ASB16: variants seen among roughly 807,000 people sequenced by gnomAD.
ASB16 encodes ankyrin repeat and SOCS box containing 16, also known as ankyrin repeat and SOCS box protein 16.
In ASB16, 44 loss-of-function variants were observed where a neutral mutation model predicts 39.1. The ratio of observed to expected loss-of-function variants is 1.13; its 90% CI spans 0.88 to 1.45. The LOEUF (loss-of-function observed/expected upper bound fraction) is 1.45, where lower values mean the gene tolerates loss of function less well. Ranked by LOEUF, ASB16 falls within the 40% of genes most tolerant of loss-of-function variation. ASB16 has a pLI of 0.00. For missense variants in ASB16, 698 were observed against 634.5 expected, an observed-to-expected ratio of 1.10 and a Z score of -1.07; for synonymous variants, 305 against 286.7, an observed-to-expected ratio of 1.06 and a Z score of -0.64.
Position 44,178,411 on chromosome 17 carries a change from A to G in ASB16, c.*21A>G. ...AGTGAACCCCATGTCAGGCTGTCCCATGGTGTGTTCTGCCCCTCCCACCTG... is the reference window on the plus strand; with the variant it reads ...AGTGAACCCCATGTCAGGCTGTCCCGTGGTGTGTTCTGCCCCTCCCACCTG... On this transcript the variant is annotated 3_prime_UTR_variant, in exon 5 of 5. Coordinates refer to ENST00000293414, the MANE Select transcript of ASB16 (RefSeq NM_080863.5). 6.4e-7 allele frequency: 1 copy of G among 1,560,872 alleles called. No homozygotes were observed. Among genetic ancestry groups the G allele is most frequent in the East Asian group, 2.3e-5 (1 of 42,862 alleles).
rs545910969 is a variant in ASB16, at chr17:44,175,432, A to G, written c.570-1306A>G. 8.9e-5 allele frequency among the ~76,000 whole-genome samples: 13 copies of G among 145,682 alleles called. No individual in the cohort carries two copies. In the South Asian group the frequency reaches 2.9e-3, roughly 32 times the overall value. On this transcript the variant is annotated intron_variant, in intron 2 of 4. Transcript: ENST00000293414. Reference sequence around the variant, plus strand: ...AAAAAAAAAAAAAAAAAAAAAAATTAGTATTTGGAAACAAAAATTAGCCCC... The same window carrying G: ...AAAAAAAAAAAAAAAAAAAAAAATTGGTATTTGGAAACAAAAATTAGCCCC...
rs1221163989 is a variant in ASB16, at chr17:44,171,015, C to A, written c.226C>A (p.Leu76Met). The A allele has an allele frequency of 6.2e-7, 1 of 1,613,964 alleles. No individual in the cohort carries two copies. Among genetic ancestry groups the A allele is most frequent in the Non-Finnish European group, 8.5e-7 (1 of 1,180,024 alleles). The stretch of plus-strand genomic sequence containing the variant: ...CGGCAACCTGCAGCAGGTCCAAGCC[C>A]TGTTCCAAGATGAAGAGGCCGCCAA... Reference protein sequence around the residue: ...FSGNLQQVQALFQDEEAANMI... With the variant: ...FSGNLQQVQAMFQDEEAANMI... Residue 76 changes from leucine (L) to methionine (M), a missense_variant, in exon 1 of 5, where the codon CTG (leucine) becomes ATG (methionine). Coordinates refer to ENST00000293414, the MANE Select transcript of ASB16 (RefSeq NM_080863.5).
chr17:44,177,090 G>A lies in ASB16; in HGVS notation c.922G>A (p.Ala308Thr). 6.8e-7 allele frequency: 1 copy of A among 1,478,710 alleles called. No individual in the cohort carries two copies. Among genetic ancestry groups the A allele is most frequent in the Non-Finnish European group, 8.9e-7 (1 of 1,125,292 alleles). 91.6% of individuals were successfully genotyped at this position (1,478,710 alleles called of 1,614,324 possible). The change falls in exon 3 of 5, where the codon GCC becomes ACC. Residue 308 changes from alanine (A) to threonine (T), a missense_variant. Transcript: ENST00000293414. ...GGCCGAGCTGCTGCTGCGTTACGGG[G>A]CCCGCGCTGAGGTCCCCAATGGGGC... ...GLAELLLRYG[A>T]RAEVPNGAGH...
chr17:44,171,494 C>T (rs1180811431), intron 1 of ASB16, among the ~76,000 whole-genome samples: 22 of 143,746 alleles, frequency 1.5e-4, no homozygotes, highest in Middle Eastern at 3.6e-3. Flanking sequence ...ACCCGGGAGG[C>T]GGAGCTTGCA....
At chr17:44,177,895 A>T (rs1262749921) in intron 4 of ASB16, 173 bp downstream of exon 4, 2 of 834,482 alleles carry the variant, frequency 2.4e-6, no homozygotes, top group Non-Finnish European at 1.9e-6. Flanking sequence ...CTGACCCCTA[A>T]CTCCACACAC....
chr17:44,177,166 A>C lies in ASB16; in HGVS notation c.998A>C (p.Asn333Thr), dbSNP rs78628103. ...CALQAVQDSP[N>T]WEPEVLFAAL... ...CTGCAGGCCGTCCAGGACTCCCCCA[A>C]CTGGGAGCCTGAAGTCCTTTTCGCC... The change falls in exon 3 of 5, where the codon AAC (asparagine) becomes ACC (threonine). Residue 333 changes from asparagine to threonine, a missense_variant. Transcript: ENST00000293414. 4 of 1,531,086 alleles carry C rather than the reference A, an allele frequency of 2.6e-6. No individual in the cohort carries two copies. Among genetic ancestry groups the C allele is most frequent in the African/African-American group, 1.4e-5 (1 of 72,596 alleles). 94.8% of individuals were successfully genotyped at this position (1,531,086 alleles called of 1,614,324 possible).
chr17:44,175,287 A>G (rs1000305703), intron 2 of ASB16, among the ~76,000 whole-genome samples: 3 of 150,828 alleles, frequency 2.0e-5, no homozygotes, highest in African/African-American at 7.3e-5. Flanking sequence ...CTGTAGTCCC[A>G]GCTACTTGGG....
At position 44,177,699 on chromosome 17, in the gene ASB16, G is replaced by A. The variant is rs959277945; in HGVS notation, c.1153G>A (p.Ala385Thr). 1.9e-6 allele frequency: 3 copies of A among 1,613,882 alleles called. No individual in the cohort carries two copies. The highest frequency in any genetic ancestry group is 1.7e-6 in the Non-Finnish European group (2 of 1,179,846). The change falls in exon 4 of 5, where the codon GCG (alanine) becomes ACG (threonine). Residue 385 changes from alanine (A) to threonine (T), a missense_variant. Ala to Thr is a moderately conservative substitution (Grantham distance 58). Transcript: ENST00000293414. ...CVPSCETWVE[A>T]VLPELWKEHE... is the part of the protein sequence containing the mutation. Reference sequence around the variant, plus strand: ...CCCATCCTGTGAGACCTGGGTGGAGGCGGTGCTCCCAGAGCTGTGGAAGGT... The same window carrying A: ...CCCATCCTGTGAGACCTGGGTGGAGACGGTGCTCCCAGAGCTGTGGAAGGT...
chr17:44,178,293 G>T lies in ASB16; in HGVS notation c.1265G>T (p.Arg422Leu), dbSNP rs199556388. 2 of 1,612,886 alleles carry T rather than the reference G, an allele frequency of 1.2e-6. No homozygotes were observed. The highest frequency in any genetic ancestry group is 2.2e-5 in the East Asian group (1 of 44,860). Residue 422 changes from arginine to leucine, a missense_variant, in exon 5 of 5, where the codon CGG becomes CTG. Arg to Leu is a moderately radical substitution (Grantham distance 102). Transcript: ENST00000293414. ...QHLARLAVRA[R>L]LGSRCRQGAT... ...CTGGCCCGACTAGCTGTGCGCGCTC[G>T]GTTGGGAAGCCGCTGCCGGCAGGGT...
In ASB16 at chr17:44,170,813, C is replaced by T. The variant is rs761508752; in HGVS notation, c.24C>T (p.Phe8=). MARETFP[F]TSSMLRSLRL... ...CCATGGCAAGAGAGACCTTCCCCTT[C>T]ACCTCCTCCATGCTGCGCTCTCTCC... Residue 8 remains phenylalanine, a synonymous_variant, in exon 1 of 5, where the codon TTC becomes TTT. Transcript: ENST00000293414. 1.2e-6 allele frequency: 2 copies of T among 1,605,864 alleles called. No individual in the cohort carries two copies. The highest frequency in any genetic ancestry group is 2.2e-5 in the South Asian group (2 of 90,476).
chr17:44,170,962 A>C lies in ASB16; in HGVS notation c.173A>C (p.Asp58Ala). Reference sequence around the variant, plus strand: ...ACTAGGCCTCACCGTTCCTGCCGAGACCCAGCTGTCCACCAAGCCCTCTTC... The same window carrying C: ...ACTAGGCCTCACCGTTCCTGCCGAGCCCCAGCTGTCCACCAAGCCCTCTTC... Reference protein sequence around the residue: ...RLTRPHRSCRDPAVHQALFSG... With the variant: ...RLTRPHRSCRAPAVHQALFSG... Residue 58 changes from aspartate (D) to alanine (A), a missense_variant, in exon 1 of 5, where the codon GAC becomes GCC. By Grantham distance (126) the Asp-to-Ala change is moderately radical. Transcript: ENST00000293414. 1 of 1,613,846 alleles carries C rather than the reference A, an allele frequency of 6.2e-7. No homozygotes were observed. Among genetic ancestry groups the C allele is most frequent in the Non-Finnish European group, 8.5e-7 (1 of 1,180,010 alleles).
At chr17:44,173,727 T>C (rs7216294) in intron 2 of ASB16, among the ~76,000 whole-genome samples, 65,124 of 151,822 alleles carry the variant, frequency 0.43, 15,797 homozygotes, top group East Asian at 0.78. Flanking sequence ...AGGAAAAGCA[T>C]TTGAGCCCAA....
At position 44,176,833 on chromosome 17, in the gene ASB16, T is replaced by A. The variant is rs915045693; in HGVS notation, c.665T>A (p.Leu222Gln). 2 of 1,612,090 alleles carry A rather than the reference T, an allele frequency of 1.2e-6. No homozygotes were observed. Among genetic ancestry groups the A allele is most frequent in the Admixed American group, 1.7e-5 (1 of 59,966 alleles). Residue 222 changes from leucine to glutamine, a missense_variant, in exon 3 of 5, where the codon CTG becomes CAG. Leu to Gln is a moderately radical substitution (Grantham distance 113, BLOSUM62 -2). Transcript: ENST00000293414. ...CTGCACGTGGCGGCGGCGCGCGGCC[T>A]GGAGCAACATGTGGCTCTGTACCTG... ...TPLHVAAARG[L>Q]EQHVALYLEH...
rs140204503 is a variant in ASB16, at chr17:44,172,282, T to G, written c.538T>G (p.Leu180Val). Reference protein sequence around the residue: ...NVLTEEGTTPLHLCTIPESLQ... With the variant: ...NVLTEEGTTPVHLCTIPESLQ... Reference sequence around the variant, plus strand: ...GCTGACTGAGGAGGGCACGACTCCTTTGCACCTCTGCACGATCCCCGAGTC... The same window carrying G: ...GCTGACTGAGGAGGGCACGACTCCTGTGCACCTCTGCACGATCCCCGAGTC... The change falls in exon 2 of 5, where the codon TTG becomes GTG. Residue 180 changes from leucine (L) to valine (V), a missense_variant. Coordinates refer to ENST00000293414, the MANE Select transcript of ASB16 (RefSeq NM_080863.5). 1 of 1,613,474 alleles carries G rather than the reference T, an allele frequency of 6.2e-7. No homozygotes were observed. The highest frequency in any genetic ancestry group is 1.7e-5 in the Admixed American group (1 of 60,010).
In ASB16 at chr17:44,176,737, G is replaced by A; in HGVS notation, c.570-1G>A. 1 of 1,613,958 alleles carries A rather than the reference G, an allele frequency of 6.2e-7. No homozygotes were observed. The highest frequency in any genetic ancestry group is 1.3e-5 in the African/African-American group (1 of 74,976). On this transcript the variant is annotated splice_acceptor_variant, in intron 2 of 4. Coordinates refer to ENST00000293414, the MANE Select transcript of ASB16 (RefSeq NM_080863.5). LOFTEE classifies it high-confidence loss of function. ...TCAGGACCTTGCTCTCTTGTCCCCA[G>A]GTGCGCCAAGTTGCTGCTGGAAGCA...
chr17:44,177,299 C>T, intron 3 of ASB16, 69 bp downstream of exon 3: 2 of 1,457,578 alleles, frequency 1.4e-6, no homozygotes, highest in Non-Finnish European at 1.8e-6. Flanking sequence ...TGCTCCGCTT[C>T]TGGGGAAGAC....
At position 44,170,971 on chromosome 17, in the gene ASB16, T is replaced by A. The variant is rs1027621389; in HGVS notation, c.182T>A (p.Val61Asp). ...CACCGTTCCTGCCGAGACCCAGCTG[T>A]CCACCAAGCCCTCTTCTCCGGCAAC... ...RPHRSCRDPA[V>D]HQALFSGNLQ... The change falls in exon 1 of 5, where the codon GTC becomes GAC. Residue 61 changes from valine (V) to aspartate (D), a missense_variant. Physicochemically the swap from Val to Asp is radical, Grantham distance 152. Coordinates refer to ENST00000293414, the MANE Select transcript of ASB16 (RefSeq NM_080863.5). 1 of 1,613,878 alleles carries A rather than the reference T, an allele frequency of 6.2e-7. No homozygotes were observed. Among genetic ancestry groups the A allele is most frequent in the Non-Finnish European group, 8.5e-7 (1 of 1,180,000 alleles).
intron 2 of ASB16, among the ~76,000 whole-genome samples, chr17:44,175,332 G>A (rs986830584): frequency 1.4e-5 from 2 of 147,306 alleles, no homozygotes; most frequent in African/African-American, 5.1e-5. Flanking sequence ...AACCCGGGAG[G>A]CGGAACTTGC....
rs1042031865 is a variant in ASB16 at position 44,177,119 on chromosome 17, C to A, written c.951C>A (p.Gly317=). The change falls in exon 3 of 5, where the codon GGC becomes GGA. Residue 317 remains glycine (G), a synonymous_variant. Transcript: ENST00000293414. ...GCGCTGAGGTCCCCAATGGGGCGGG[C>A]CACACGCCCATGGACTGTGCGCTGC... ...GARAEVPNGA[G]HTPMDCALQA... is the part of the protein sequence containing the mutation. The A allele has an allele frequency of 2.7e-6, 4 of 1,490,722 alleles. No homozygotes were observed. The highest frequency in any genetic ancestry group is 2.6e-5 in the East Asian group (1 of 38,854). The allele number at this position is 1,490,722 out of a possible 1,614,324, so 92.3% of individuals were successfully genotyped here. A position where few individuals can be genotyped will look rare whatever the true frequency, so the allele number is the denominator to read the frequency against.
Sources: allele counts gnomAD v4.1 joint callset (sites outside exome capture counted in the v4.1 genomes callset), GRCh38; gene constraint gnomAD v4.1.1; transcripts MANE v1.5; gene names NCBI Gene and HGNC (gene_info 2026-07-23, HGNC 2026-07-21).